Variants in TDRD5 observed in about 807,000 individuals in gnomAD.
The protein encoded by TDRD5 is tudor domain containing 5, also known as tudor domain-containing protein 5.
A neutral mutation model predicts 120.6 loss-of-function variants in TDRD5; 41 were observed. The observed-to-expected ratio is 0.34, with a 90% CI of 0.26 to 0.44. TDRD5 has a LOEUF of 0.44. TDRD5 is among the 20% of genes least tolerant of loss of function. The probability of loss-of-function intolerance (pLI) is 1.00; values close to 1 mark genes in which losing one functional copy is unlikely to be tolerated. For synonymous variants in TDRD5, 430 were observed against 433.7 expected (o/e 0.99, Z 0.11); for missense variants, 1,006 against 1,221.2 (o/e 0.82, Z 2.63).
intron 17 of TDRD5, among the ~76,000 whole-genome samples, chr1:179,682,725 AG>A: frequency 6.8e-6 from 1 of 148,102 alleles, no homozygotes; most frequent in African/African-American, 2.5e-5. Context: ...TAGGTTTATT[AG>A]GCTGGTCTGG....
At chr1:179,596,750 C>T (rs1040081209) in intron 4 of TDRD5, among the ~76,000 whole-genome samples, 1 of 152,132 alleles carries the variant, frequency 6.6e-6, no homozygotes, top group Non-Finnish European at 1.5e-5. Context: ...CTCTTTGGTC[C>T]TTTACTTATA....
At chr1:179,653,685 C>T (rs962472563) in intron 13 of TDRD5, among the ~76,000 whole-genome samples, 17 of 152,104 alleles carry the variant, frequency 1.1e-4, no homozygotes, top group Non-Finnish European at 7.4e-5. Flanking sequence ...ATCTTTTCTG[C>T]AAAAGAGAAA....
At chr1:179,656,978 G>A (rs180769065) in intron 14 of TDRD5, among the ~76,000 whole-genome samples, 17 of 152,220 alleles carry the variant, frequency 1.1e-4, no homozygotes, top group Middle Eastern at 3.4e-3. Context: ...GCTTGAACCC[G>A]GAAGACAGAG....
chr1:179,667,436 G>A (rs942137579), intron 16 of TDRD5, among the ~76,000 whole-genome samples: 3 of 152,294 alleles, frequency 2.0e-5, no homozygotes, highest in Non-Finnish European at 4.4e-5. Context: ...GCACTGGTCT[G>A]TGAGTGCTAT....
intron 6 of TDRD5, among the ~76,000 whole-genome samples, chr1:179,628,319 CTTTTCTTT>C (rs1296951788): frequency 6.6e-5 from 5 of 76,294 alleles, no homozygotes; most frequent in South Asian, 4.8e-4. Context: ...CTTTTCTTTT[CTTTTCTTT>C]TTTTTTTTTT....
At chr1:179,640,767 AG>A (rs1678000510) in intron 11 of TDRD5, among the ~76,000 whole-genome samples, 1 of 152,200 alleles carries the variant, frequency 6.6e-6, no homozygotes. Flanking sequence ...TTCCAAGCAA[AG>A]GGAGGGTAGC....
intron 14 of TDRD5, among the ~76,000 whole-genome samples, chr1:179,661,255 T>C (rs923913859): frequency 6.6e-6 from 1 of 152,196 alleles, no homozygotes. Context: ...CCATATTTCT[T>C]CAAATTATTT....
chr1:179,651,166 T>A, intron 12 of TDRD5, 99 bp downstream of exon 12: 2 of 1,312,444 alleles, frequency 1.5e-6, no homozygotes, highest in Non-Finnish European at 2.1e-6. Context: ...GTTTATTCTT[T>A]AACCAATTAG....
chr1:179,663,449 G>A lies in TDRD5; in HGVS notation c.2607G>A (p.Leu869=), dbSNP rs763127224. Residue 869 remains leucine, a synonymous_variant, in exon 16 of 18, where the codon CTG becomes CTA. Transcript: ENST00000444136. ...TAGAAGTTCATAAGCCAGAAGTACT[G>A]GGTGCTCAGGAAAAAAATACTGGCA... ...TKVEVHKPEV[L]GAQEKNTGTN... is the part of the protein sequence containing the mutation. The A allele has an allele frequency of 1.2e-6, 2 of 1,613,342 alleles. No individual in the cohort carries two copies. Among genetic ancestry groups the A allele is most frequent in the Non-Finnish European group, 1.7e-6 (2 of 1,179,784 alleles).
At chr1:179,602,074 G>A (rs148260742) in intron 4 of TDRD5, among the ~76,000 whole-genome samples, 4 of 152,294 alleles carry the variant, frequency 2.6e-5, no homozygotes, top group African/African-American at 9.6e-5. Context: ...CCAAAGTGCT[G>A]GGATTACAGG....
At chr1:179,643,420 C>G (rs1362153421) in intron 11 of TDRD5, among the ~76,000 whole-genome samples, 1 of 152,076 alleles carries the variant, frequency 6.6e-6, no homozygotes, top group Non-Finnish European at 1.5e-5. Flanking sequence ...AGTTAGCAGA[C>G]AAAGACTTTA....
At chr1:179,683,639 C>T (rs1680544589) in intron 17 of TDRD5, among the ~76,000 whole-genome samples, 2 of 152,108 alleles carry the variant, frequency 1.3e-5, no homozygotes, top group Non-Finnish European at 2.9e-5. Flanking sequence ...TCCTTTTTCT[C>T]TGAATTTTTT....
At chr1:179,592,581 C>T in intron 1 of TDRD5, 21 bp from the exon 2 acceptor site, 3 of 1,592,458 alleles carry the variant, frequency 1.9e-6, no homozygotes, top group South Asian at 2.2e-5. Flanking sequence ...CCCTTTTCCT[C>T]AGCTGCGTTT....
In TDRD5 at chr1:179,652,290, A is replaced by G. The variant is rs541945193; in HGVS notation, c.2160+93A>G. The G allele has an allele frequency of 1.6e-4, 217 of 1,335,258 alleles. 1 individual carries two copies. Among genetic ancestry groups the G allele is most frequent in the Middle Eastern group, 1.1e-3 (4 of 3,754 alleles). 82.7% of individuals were successfully genotyped at this position (1,335,258 alleles called of 1,614,324 possible). On this transcript the variant is annotated intron_variant, in intron 13 of 17. Transcript: ENST00000444136. The stretch of plus-strand genomic sequence containing the variant: ...GAAACCAAGGCTTTCCAAATTTTGG[A>G]AAGTTTGGAAATTTTGCACAGTGAT...
rs539911982 is a variant in TDRD5, at chr1:179,604,530, C to G, written c.831+8712C>G. Among the ~76,000 whole-genome samples, 19 of 152,090 alleles carry G rather than the reference C, an allele frequency of 1.2e-4. No homozygotes were observed. In the East Asian group the frequency reaches 3.5e-3, roughly 28 times the overall value. On this transcript the variant is annotated intron_variant, in intron 4 of 17. Coordinates refer to ENST00000444136, the MANE Select transcript of TDRD5 (RefSeq NM_001199085.3). ...TAGGCGTTTAGGGCTATGAAGTTTC[C>G]TCTTAGCACCACCTTTGCTGTATCC...
chr1:179,626,688 A>G (rs553378072), intron 6 of TDRD5, among the ~76,000 whole-genome samples: 15 of 152,254 alleles, frequency 9.9e-5, no homozygotes, highest in African/African-American at 3.4e-4. Context: ...TGACATAGCA[A>G]CTCTATAGTG....
At chr1:179,593,960 T>C in intron 3 of TDRD5, 93 bp downstream of exon 3, 1 of 1,470,776 alleles carries the variant, frequency 6.8e-7, no homozygotes, top group Non-Finnish European at 9.1e-7. Context: ...GAAGCCTGGC[T>C]CTACTACTTG....
intron 6 of TDRD5, among the ~76,000 whole-genome samples, chr1:179,627,979 A>G (rs78730074): frequency 1.5e-3 from 234 of 152,298 alleles, no homozygotes; most frequent in African/African-American, 5.5e-3. Flanking sequence ...CTAGGAATTG[A>G]CTAATAATGG....
chr1:179,594,433 G>A (rs1289812925), intron 3 of TDRD5, among the ~76,000 whole-genome samples: 1 of 152,162 alleles, frequency 6.6e-6, no homozygotes, highest in Non-Finnish European at 1.5e-5. Flanking sequence ...TCAAAGCTAA[G>A]GAAAATTAAA....
Sources: allele counts gnomAD v4.1 joint callset (sites outside exome capture counted in the v4.1 genomes callset), GRCh38; gene constraint gnomAD v4.1.1; transcripts MANE v1.5; gene names NCBI Gene and HGNC (gene_info 2026-07-23, HGNC 2026-07-21).